Variants in SPIN1 observed in about 807,000 individuals in gnomAD.
The protein encoded by SPIN1 is spindlin 1.
Under a neutral mutation model 26.0 loss-of-function variants are expected in SPIN1, and 3 were observed. The ratio of observed to expected loss-of-function variants is 0.12; its 90% CI spans 0.05 to 0.30. The LOEUF (loss-of-function observed/expected upper bound fraction) is 0.30. SPIN1 is among the 10% of genes least tolerant of loss of function. The pLI is 1.00. For missense variants in SPIN1, 126 were observed against 333.4 expected, an observed-to-expected ratio of 0.38 and a Z score of 4.84; for synonymous variants, 101 against 116.5, an observed-to-expected ratio of 0.87 and a Z score of 0.86.
intron 4 of SPIN1, among the ~76,000 whole-genome samples, chr9:88,465,903 G>T (rs752799296): frequency 1.2e-4 from 18 of 152,180 alleles, no homozygotes; most frequent in Non-Finnish European, 2.1e-4. Context: ...AACAGATTGA[G>T]TGCTAAAGCA....
intron 1 of SPIN1, chr9:88,415,625 T>C (rs1358899208): frequency 6.6e-6 from 1 of 152,186 alleles, no homozygotes; most frequent in Non-Finnish European, 1.5e-5. Context: ...TCTTACTGTG[T>C]AGCCCAGGCT....
intron 2 of SPIN1, among the ~76,000 whole-genome samples, chr9:88,443,135 CAAA>C (rs75387195): frequency 7.2e-6 from 1 of 139,214 alleles, no homozygotes; most frequent in Non-Finnish European, 1.5e-5. Context: ...AAAAAAAAAA[CAAA>C]AAAAAACTCA....
intron 5 of SPIN1, among the ~76,000 whole-genome samples, chr9:88,469,216 T>C (rs1828730751): frequency 6.6e-6 from 1 of 152,210 alleles, no homozygotes; most frequent in Non-Finnish European, 1.5e-5. Flanking sequence ...AGGTTTGTGC[T>C]CCTGTGAGAA....
At chr9:88,439,529 G>A (rs1367849831) in intron 2 of SPIN1, among the ~76,000 whole-genome samples, 3 of 152,110 alleles carry the variant, frequency 2.0e-5, no homozygotes, top group African/African-American at 7.2e-5. Flanking sequence ...CATTTTATAC[G>A]CAGATATTCT....
At chr9:88,469,532 CAG>C (rs1275208518) in intron 5 of SPIN1, among the ~76,000 whole-genome samples, 3 of 152,238 alleles carry the variant, frequency 2.0e-5, no homozygotes, top group East Asian at 1.9e-4. Context: ...TGTTTTTGGA[CAG>C]AGTCTTGCTC....
chr9:88,411,497 T>G, intron 1 of SPIN1: 1 of 851,666 alleles, frequency 1.2e-6, no homozygotes, highest in Non-Finnish European at 1.9e-6. Context: ...TAATGATGCT[T>G]CAGCGTCATC....
At chr9:88,472,456 T>C (rs964467282) in intron 5 of SPIN1, among the ~76,000 whole-genome samples, 1 of 151,810 alleles carries the variant, frequency 6.6e-6, no homozygotes, top group Non-Finnish European at 1.5e-5. Context: ...CTGGTCTCGA[T>C]CTCCTGACCT....
Position 88,478,121 on chromosome 9 carries a change from G to A in SPIN1, c.*2844G>A, listed in dbSNP as rs771330652. On this transcript the variant is annotated 3_prime_UTR_variant, in exon 6 of 6. Transcript: ENST00000375859. Reference sequence around the variant, plus strand: ...AGAAGGTGATTTTCCAGTTGTAAATGTCATGCAGCATTTGAAGGGACTGTG... The same window carrying A: ...AGAAGGTGATTTTCCAGTTGTAAATATCATGCAGCATTTGAAGGGACTGTG... The A allele has an allele frequency of 6.6e-6, 1 of 152,258 alleles. No individual in the cohort carries two copies. Among genetic ancestry groups the A allele is most frequent in the Non-Finnish European group, 1.5e-5 (1 of 68,020 alleles). The allele number at this position is 152,258 out of a possible 1,614,324, so 9.4% of individuals were successfully genotyped here.
intron 3 of SPIN1, among the ~76,000 whole-genome samples, chr9:88,459,498 C>G (rs963965050): frequency 6.6e-6 from 1 of 152,038 alleles, no homozygotes. Flanking sequence ...GAATTTAGCT[C>G]TTTGTCATCT....
At chr9:88,396,655 G>A (rs1827066413) in intron 1 of SPIN1, among the ~76,000 whole-genome samples, 1 of 152,026 alleles carries the variant, frequency 6.6e-6, no homozygotes, top group Non-Finnish European at 1.5e-5. Context: ...AAGGACAAAA[G>A]TTTATAATGT....
chr9:88,421,946 A>G lies in SPIN1; in HGVS notation c.-158-4436A>G, dbSNP rs899059277. On this transcript the variant is annotated intron_variant, in intron 1 of 5. Coordinates refer to ENST00000375859, the MANE Select transcript of SPIN1 (RefSeq NM_006717.3). The stretch of plus-strand genomic sequence containing the variant: ...TTGACGAGTATTTTATAAGTGATAT[A>G]GTCTGCTTTGCGTCATATCACATTA... 2.0e-5 allele frequency among the ~76,000 whole-genome samples: 3 copies of G among 152,126 alleles called. No homozygotes were observed. The South Asian group carries it at 6.2e-4, about 31-fold the overall frequency.
rs545627848 is a variant in SPIN1, at chr9:88,436,020, C to T, written c.52+9429C>T. ...TATATACTGTCAGTTAATAATTTACCCAGGTACGAAGTTCAGAGTTCAAAA... is the reference window on the plus strand; with the variant it reads ...TATATACTGTCAGTTAATAATTTACTCAGGTACGAAGTTCAGAGTTCAAAA... On this transcript the variant is annotated intron_variant, in intron 2 of 5. Transcript: ENST00000375859. 4.6e-5 allele frequency among the ~76,000 whole-genome samples: 7 copies of T among 152,186 alleles called. No homozygotes were observed. In the South Asian group the frequency reaches 1.5e-3, roughly 32 times the overall value.
Position 88,430,061 on chromosome 9 carries a change from A to G in SPIN1, c.52+3470A>G, listed in dbSNP as rs143153043. 2.8e-3 allele frequency among the ~76,000 whole-genome samples: 421 copies of G among 152,346 alleles called. 1 individual carries two copies. The highest frequency in any genetic ancestry group is 9.6e-3 in the African/African-American group (398 of 41,574). On this transcript the variant is annotated intron_variant, in intron 2 of 5. Coordinates refer to ENST00000375859, the MANE Select transcript of SPIN1 (RefSeq NM_006717.3). ...AATCATTCTTCCTGTTAGCATAGAC[A>G]AATGCTCTGCTGCTTCTAAGTCCCT...
intron 5 of SPIN1, 95 bp downstream of exon 5, chr9:88,468,700 T>C (rs1313027278): frequency 1.4e-6 from 1 of 716,764 alleles, no homozygotes; most frequent in African/African-American, 2.1e-5. Flanking sequence ...GATACATTTT[T>C]ATTTTTGGAT....
chr9:88,436,118 A>G (rs1485908092), intron 2 of SPIN1, among the ~76,000 whole-genome samples: 1 of 151,774 alleles, frequency 6.6e-6, no homozygotes, highest in Non-Finnish European at 1.5e-5. Context: ...TTTGTTTTAA[A>G]GAGGTGGGGT....
At chr9:88,465,277 T>G (rs964174771) in intron 4 of SPIN1, among the ~76,000 whole-genome samples, 1 of 152,216 alleles carries the variant, frequency 6.6e-6, no homozygotes, top group African/African-American at 2.4e-5. Context: ...TTCAGTTGTT[T>G]TGGATATAGG....
intron 3 of SPIN1, among the ~76,000 whole-genome samples, chr9:88,458,837 T>G (rs1294572307): frequency 2.0e-5 from 3 of 152,120 alleles, no homozygotes; most frequent in Non-Finnish European, 4.4e-5. Flanking sequence ...GAGGCAGAAT[T>G]CCTTCCTCCT....
chr9:88,420,954 C>T (rs1209007009), intron 1 of SPIN1, among the ~76,000 whole-genome samples: 1 of 152,198 alleles, frequency 6.6e-6, no homozygotes, highest in African/African-American at 2.4e-5. Flanking sequence ...GTAGCCTCTG[C>T]TCTGCTCATT....
chr9:88,451,800 A>G (rs1327213126), intron 3 of SPIN1, among the ~76,000 whole-genome samples: 1 of 152,154 alleles, frequency 6.6e-6, no homozygotes, highest in Non-Finnish European at 1.5e-5. Flanking sequence ...ACTTCAAGTG[A>G]TCCACCTACC....
Sources: allele counts gnomAD v4.1 joint callset (sites outside exome capture counted in the v4.1 genomes callset), GRCh38; gene constraint gnomAD v4.1.1; transcripts MANE v1.5; gene names NCBI Gene and HGNC (gene_info 2026-07-23, HGNC 2026-07-21).